Variants in NELL2 observed in about 807,000 individuals in gnomAD.
NELL2 encodes the protein neural EGFL like 2, also known as protein kinase C-binding protein NELL2.
In NELL2, 41 loss-of-function variants were observed where a neutral mutation model predicts 109.6. That is an observed-to-expected ratio of 0.37 (90% CI 0.29 to 0.49). NELL2 has a LOEUF of 0.49. Among genes scored for constraint, NELL2 ranks in the 20% least tolerant of loss-of-function variants. The pLI, the probability that NELL2 is intolerant of heterozygous loss-of-function variation, is 0.98. For missense variants in NELL2, 900 were observed against 1,008.3 expected, an observed-to-expected ratio of 0.89 and a Z score of 1.45; for synonymous variants, 355 against 344.7, an observed-to-expected ratio of 1.03 and a Z score of -0.33.
At position 44,732,559 on chromosome 12, in the gene NELL2, T is replaced by G. The variant is rs143177919; in HGVS notation, c.995-17818A>C. Among the ~76,000 whole-genome samples the G allele has an allele frequency of 3.5e-3, 537 of 152,062 alleles. 15 individuals are homozygous for G. The East Asian group carries it at 0.082, about 23-fold the overall frequency. ...ACCATGCACAAAAATCAACTCAAAA[T>G]GCATTAAAGACTTAAACATAAGTCC... On this transcript the variant is annotated intron_variant, in intron 9 of 19. Coordinates refer to ENST00000429094, the MANE Select transcript of NELL2 (RefSeq NM_001145108.2).
chr12:44,842,108 G>GAA lies in NELL2; in HGVS notation c.185-25973_185-25972insTT, dbSNP rs1246294776. The stretch of plus-strand genomic sequence containing the variant: ...GGAAGGGAGGGAGGGAGGGAGGGAG[G>GAA]GAGGAAGGAAGGAAGGAAGGAAGGA... On this transcript the variant is annotated intron_variant, in intron 2 of 19. Coordinates refer to ENST00000429094, the MANE Select transcript of NELL2 (RefSeq NM_001145108.2). 6.1e-4 allele frequency among the ~76,000 whole-genome samples: 81 copies of GAA among 132,394 alleles called. 1 individual carries two copies. The highest frequency in any genetic ancestry group is 2.5e-3 in the East Asian group (12 of 4,708). The allele number at this position is 132,394 out of a possible 152,430, so 86.9% of individuals were successfully genotyped here. A position where few individuals can be genotyped will look rare whatever the true frequency, so the allele number is the denominator to read the frequency against.
At chr12:44,587,880 A>C (rs182155672) in intron 15 of NELL2, among the ~76,000 whole-genome samples, 1 of 152,084 alleles carries the variant, frequency 6.6e-6, no homozygotes, top group Admixed American at 6.6e-5. Flanking sequence ...GGTTGGGCGC[A>C]GTGGCTCACA....
At chr12:44,727,896 A>G (rs1377112904) in intron 9 of NELL2, among the ~76,000 whole-genome samples, 1 of 152,090 alleles carries the variant, frequency 6.6e-6, no homozygotes, top group Non-Finnish European at 1.5e-5. Flanking sequence ...TCTGGAATTA[A>G]CTAAGAAGCA....
At position 44,519,883 on chromosome 12, in the gene NELL2, T is replaced by C. The variant is rs896185340; in HGVS notation, c.2400+122A>G. On this transcript the variant is annotated intron_variant, in intron 19 of 19. Coordinates refer to ENST00000429094, the MANE Select transcript of NELL2 (RefSeq NM_001145108.2). ...CTGAGTGGCATTCCGCCCACCTATG[T>C]TTGAAAAATAAACAGGAAAAAAAAA... 7.1e-6 allele frequency: 6 copies of C among 844,748 alleles called. No homozygotes were observed. The African/African-American group carries it at 8.9e-5, about 13-fold the overall frequency. The allele number at this position is 844,748 out of a possible 1,614,324, so 52.3% of individuals were successfully genotyped here.
chr12:44,537,948 G>T (rs1288521643), intron 15 of NELL2, among the ~76,000 whole-genome samples: 3 of 152,066 alleles, frequency 2.0e-5, no homozygotes, highest in African/African-American at 7.2e-5. Flanking sequence ...AAAATCCTCT[G>T]CACAAGTTGC....
intron 12 of NELL2, among the ~76,000 whole-genome samples, chr12:44,699,400 A>C (rs950458411): frequency 6.6e-6 from 1 of 152,144 alleles, no homozygotes; most frequent in Non-Finnish European, 1.5e-5. Context: ...GTTTATAAAT[A>C]TCTGAGGTGT....
In NELL2 at chr12:44,777,328, A is replaced by T; in HGVS notation, c.607-14T>A. 6.2e-7 allele frequency: 1 copy of T among 1,608,840 alleles called. No homozygotes were observed. The highest frequency in any genetic ancestry group is 8.5e-7 in the Non-Finnish European group (1 of 1,175,330). ...TTGCATTATACCCTGTGTGTGAAAA[A>T]TAGAAAAAAAAGACATATTACTTTC... On this transcript the variant is annotated splice_polypyrimidine_tract_variant and intron_variant, in intron 5 of 19. Coordinates refer to ENST00000429094, the MANE Select transcript of NELL2 (RefSeq NM_001145108.2).
At chr12:44,875,654 C>T (rs1234707132) in intron 1 of NELL2, 161 bp downstream of exon 1, 2 of 1,568,184 alleles carry the variant, frequency 1.3e-6, no homozygotes, top group African/African-American at 3.0e-5. Flanking sequence ...AAGGCAAGCA[C>T]AGAAAAAAAA....
chr12:44,700,624 G>C (rs1949201438), intron 12 of NELL2, among the ~76,000 whole-genome samples: 1 of 151,882 alleles, frequency 6.6e-6, no homozygotes, highest in South Asian at 2.1e-4. Flanking sequence ...TTACCCTTCA[G>C]ATTCCAGAAT....
chr12:44,665,367 T>A, intron 13 of NELL2, 117 bp downstream of exon 13: 1 of 806,174 alleles, frequency 1.2e-6, no homozygotes, highest in South Asian at 2.7e-5. Context: ...AGATATGATT[T>A]TGCTAATGTT....
At chr12:44,881,386 A>G (rs1945410421) in intron 1 of NELL2, among the ~76,000 whole-genome samples, 1 of 152,006 alleles carries the variant, frequency 6.6e-6, no homozygotes, top group South Asian at 2.1e-4. Context: ...TACTCTTGAA[A>G]CCAATGAAAG....
At chr12:44,773,226 A>G (rs1440627275) in intron 9 of NELL2, among the ~76,000 whole-genome samples, 1 of 152,220 alleles carries the variant, frequency 6.6e-6, no homozygotes, top group Non-Finnish European at 1.5e-5. Flanking sequence ...CTGTAATCCC[A>G]GCACTTTGGG....
chr12:44,704,370 T>C (rs1186644944), intron 11 of NELL2, among the ~76,000 whole-genome samples: 5 of 149,830 alleles, frequency 3.3e-5, no homozygotes, highest in African/African-American at 7.3e-5. Context: ...TAAATCACTT[T>C]AATCTAATTT....
At chr12:44,704,665 T>C (rs1381889887) in intron 11 of NELL2, among the ~76,000 whole-genome samples, 1 of 152,186 alleles carries the variant, frequency 6.6e-6, no homozygotes, top group East Asian at 1.9e-4. Context: ...TTAAATTACT[T>C]GATGTATGCT....
At chr12:44,833,460 T>C (rs1271226277) in intron 2 of NELL2, among the ~76,000 whole-genome samples, 2 of 152,200 alleles carry the variant, frequency 1.3e-5, no homozygotes, top group Admixed American at 6.5e-5. Flanking sequence ...TTGCTTTATA[T>C]GCCAGTCTTA....
At chr12:44,520,368 A>T (rs1941474260) in intron 18 of NELL2, 139 bp from the exon 19 acceptor site, 2 of 673,452 alleles carry the variant, frequency 3.0e-6, no homozygotes, top group South Asian at 3.9e-5. Context: ...TACAAAGCCC[A>T]TGAATCTTTC....
intron 15 of NELL2, among the ~76,000 whole-genome samples, chr12:44,560,177 A>C (rs1213854557): frequency 6.6e-6 from 1 of 152,214 alleles, no homozygotes. Flanking sequence ...CAGCTAAAGC[A>C]TTGTTGAGAC....
At chr12:44,552,705 G>T (rs1010293370) in intron 15 of NELL2, among the ~76,000 whole-genome samples, 5 of 152,178 alleles carry the variant, frequency 3.3e-5, no homozygotes, top group African/African-American at 7.2e-5. Context: ...AAGACTGTAA[G>T]AACAAAAAGA....
intron 15 of NELL2, among the ~76,000 whole-genome samples, chr12:44,549,190 A>G (rs1942927439): frequency 6.6e-6 from 1 of 152,220 alleles, no homozygotes; most frequent in Admixed American, 6.5e-5. Context: ...TAGTTATAGT[A>G]CACTAACTGT....
Sources: allele counts gnomAD v4.1 joint callset (sites outside exome capture counted in the v4.1 genomes callset), GRCh38; gene constraint gnomAD v4.1.1; transcripts MANE v1.5; gene names NCBI Gene and HGNC (gene_info 2026-07-23, HGNC 2026-07-21).